The following OPA1 variants were observed in gnomAD, a reference collection of about 807,000 sequenced individuals.
OPA1 encodes the protein OPA1 mitochondrial dynamin like GTPase.
Under a neutral mutation model 152.9 loss-of-function variants are expected in OPA1, and 59 were observed. The ratio of observed to expected loss-of-function variants is 0.39; its 90% confidence interval spans 0.31 to 0.48. OPA1 has a LOEUF of 0.48. Ranked by LOEUF, OPA1 falls within the 20% of genes least tolerant of loss-of-function variation. OPA1 has a pLI of 0.96. For synonymous variants in OPA1, 400 were observed against 389.9 expected (o/e 1.03, Z -0.31); for missense variants, 1,008 against 1,216.8 (o/e 0.83, Z 2.55).
At position 193,598,482 on chromosome 3, in the gene OPA1, G is replaced by A. The variant is rs115270625; in HGVS notation, c.32+5073G>A. The stretch of plus-strand genomic sequence containing the variant: ...CCTGTTGAGATGTGCTTCCAGTTGG[G>A]TGTGATTTTCTCCAGTAGTGCTTTA... On this transcript the variant is annotated intron_variant, in intron 1 of 30. Coordinates refer to ENST00000361510, the MANE Select transcript of OPA1 (RefSeq NM_130837.3). Among the ~76,000 whole-genome samples, 791 of 152,224 alleles carry A rather than the reference G, an allele frequency of 5.2e-3. 6 individuals carry two copies. Among genetic ancestry groups the A allele is most frequent in the African/African-American group, 0.018 (762 of 41,526 alleles).
rs556233481 is a variant in OPA1, at chr3:193,676,531, A to G, written c.2983+9251A>G. Among the ~76,000 whole-genome samples the G allele has an allele frequency of 5.3e-5, 8 of 152,334 alleles. No homozygotes were observed. The East Asian group carries it at 9.6e-4, about 18-fold the overall frequency. ...ACAAAGATAAAGTAATCCTCAAGGAAAGTCCTCTCTGTTAGAGAAGTGGTT... is the reference window on the plus strand; with the variant it reads ...ACAAAGATAAAGTAATCCTCAAGGAGAGTCCTCTCTGTTAGAGAAGTGGTT... On this transcript the variant is annotated intron_variant, in intron 29 of 30. Transcript: ENST00000361510.
In OPA1 at chr3:193,599,032, T is replaced by C. The variant is rs572118650; in HGVS notation, c.32+5623T>C. ...TGACTTTCCTTTGTCCTTCCTCCTG[T>C]GCCTAGTCTGGCGAGTATCTGCCTT... On this transcript the variant is annotated intron_variant, in intron 1 of 30. Transcript: ENST00000361510. Among the ~76,000 whole-genome samples, 13 of 152,326 alleles carry C rather than the reference T, an allele frequency of 8.5e-5. No individual in the cohort carries two copies. In the East Asian group the frequency reaches 2.5e-3, roughly 29 times the overall value.
At chr3:193,676,341 A>G (rs867926754) in intron 29 of OPA1, among the ~76,000 whole-genome samples, 1 of 152,206 alleles carries the variant, frequency 6.6e-6, no homozygotes, top group Admixed American at 6.5e-5. Flanking sequence ...GGCAATTTTA[A>G]AAATCTGGGC....
intron 25 of OPA1, 74 bp downstream of exon 25, chr3:193,659,635 C>T (rs1282752721): frequency 8.9e-7 from 1 of 1,126,616 alleles, no homozygotes; most frequent in Non-Finnish European, 1.3e-6. Context: ...AAAATATAAC[C>T]TTTTTGTGGC....
intron 29 of OPA1, among the ~76,000 whole-genome samples, chr3:193,672,218 T>C (rs965615967): frequency 2.6e-5 from 4 of 152,228 alleles, no homozygotes; most frequent in Non-Finnish European, 4.4e-5. Flanking sequence ...CTTTCTATTA[T>C]GATCTATTTT....
chr3:193,681,427 T>C (rs926616375), intron 29 of OPA1, among the ~76,000 whole-genome samples: 3 of 152,182 alleles, frequency 2.0e-5, no homozygotes, highest in Non-Finnish European at 2.9e-5. Context: ...TAAAACTACT[T>C]AAGTGAAAAA....
intron 1 of OPA1, among the ~76,000 whole-genome samples, chr3:193,611,596 CAAAAAAAA>C (rs35159597): frequency 4.4e-5 from 3 of 68,796 alleles, no homozygotes; most frequent in Non-Finnish European, 8.2e-5. Flanking sequence ...GACTCCACCT[CAAAAAAAA>C]AAAAAAAAAA....
chr3:193,616,088 T>A (rs921231640), intron 3 of OPA1, among the ~76,000 whole-genome samples: 3 of 152,214 alleles, frequency 2.0e-5, no homozygotes, highest in African/African-American at 7.2e-5. Context: ...GAATCATAAC[T>A]CACTGCAGCC....
At chr3:193,596,340 T>C (rs138983954) in intron 1 of OPA1, among the ~76,000 whole-genome samples, 40,990 of 76,374 alleles carry the variant, frequency 0.54, 8,017 homozygotes, top group Non-Finnish European at 0.54. Flanking sequence ...CCTTTCCTTT[T>C]CTTTTCTTTT....
At chr3:193,682,211 G>A (rs1167819171) in intron 29 of OPA1, among the ~76,000 whole-genome samples, 1 of 152,196 alleles carries the variant, frequency 6.6e-6, no homozygotes, top group Non-Finnish European at 1.5e-5. Flanking sequence ...ATTCCCTTAA[G>A]CTAAAACCTA....
At chr3:193,669,897 G>A (rs899447296) in intron 29 of OPA1, among the ~76,000 whole-genome samples, 1 of 152,136 alleles carries the variant, frequency 6.6e-6, no homozygotes, top group African/African-American at 2.4e-5. Flanking sequence ...TGAGAAAGCA[G>A]TCATATAACT....
rs748949575 is a variant in OPA1, at chr3:193,618,849, G to A, written c.611-20G>A. 1 of 1,598,716 alleles carries A rather than the reference G, an allele frequency of 6.3e-7. No homozygotes were observed. The highest frequency in any genetic ancestry group is 8.6e-7 in the Non-Finnish European group (1 of 1,166,056). ...TTGACATCACTGGAGAATGTAAAGG[G>A]TTGCATATTTATCTTTAAGGTTCTC... On this transcript the variant is annotated intron_variant, in intron 5 of 30. Transcript: ENST00000361510.
rs1420433406 is a variant in OPA1 at position 193,617,757 on chromosome 3, A to G, written c.557-27A>G. ...CATTTCTGTTAAATTTTACATTTCT[A>G]TTTCCCCTTTTGCTGATTTTTCACA... On this transcript the variant is annotated intron_variant, in intron 4 of 30. Transcript: ENST00000361510. 5.7e-6 allele frequency: 9 copies of G among 1,566,034 alleles called. No homozygotes were observed. The African/African-American group carries it at 6.8e-5, about 12-fold the overall frequency.
chr3:193,643,700 G>A (rs1028644252), intron 15 of OPA1, 73 bp downstream of exon 15: 69 of 1,313,896 alleles, frequency 5.3e-5, no homozygotes, highest in Non-Finnish European at 6.9e-5. Flanking sequence ...GCATTAAATA[G>A]TTTGTGTTAT....
intron 16 of OPA1, among the ~76,000 whole-genome samples, chr3:193,644,928 G>A (rs911264843): frequency 2.0e-5 from 3 of 152,010 alleles, no homozygotes; most frequent in African/African-American, 7.2e-5. Flanking sequence ...ATGGGCTTCA[G>A]GGGGTAGAAA....
chr3:193,649,213 A>G (rs914607052), intron 21 of OPA1, among the ~76,000 whole-genome samples: 1 of 152,180 alleles, frequency 6.6e-6, no homozygotes, highest in Non-Finnish European at 1.5e-5. Flanking sequence ...GGGAGTTGGT[A>G]TATATTTTCA....
At position 193,643,641 on chromosome 3, in the gene OPA1, A is replaced by G; in HGVS notation, c.1477+14A>G. 1 of 1,587,042 alleles carries G rather than the reference A, an allele frequency of 6.3e-7. No individual in the cohort carries two copies. The highest frequency in any genetic ancestry group is 8.6e-7 in the Non-Finnish European group (1 of 1,156,176). ...TGTGTATTCAAGGTAAATCATATCAAAAGATTTTAATGTACTGATATGTTT... is the reference window on the plus strand; with the variant it reads ...TGTGTATTCAAGGTAAATCATATCAGAAGATTTTAATGTACTGATATGTTT... On this transcript the variant is annotated intron_variant, in intron 15 of 30. Transcript: ENST00000361510.
intron 29 of OPA1, among the ~76,000 whole-genome samples, chr3:193,683,800 C>T (rs1720534931): frequency 6.6e-6 from 1 of 152,216 alleles, no homozygotes; most frequent in Admixed American, 6.5e-5. Context: ...CTATTACACA[C>T]TTAATATATT....
At chr3:193,688,524 C>T (rs1482800084) in intron 29 of OPA1, among the ~76,000 whole-genome samples, 1 of 121,770 alleles carries the variant, frequency 8.2e-6, no homozygotes, top group African/African-American at 3.1e-5. Flanking sequence ...TGTCACCAGG[C>T]TGGAGTGCAG....
Sources: allele counts gnomAD v4.1 joint callset (sites outside exome capture counted in the v4.1 genomes callset), GRCh38; gene constraint gnomAD v4.1.1; transcripts MANE v1.5; gene names NCBI Gene and HGNC (gene_info 2026-07-23, HGNC 2026-07-21).